Variants in IGF1R observed in about 807,000 individuals in gnomAD.
IGF1R encodes insulin-like growth factor 1 receptor.
Under a neutral mutation model 144.6 loss-of-function variants are expected in IGF1R, and 44 were observed. The observed-to-expected ratio is 0.30, with a 90% confidence interval of 0.24 to 0.39. The LOEUF (loss-of-function observed/expected upper bound fraction) is 0.39. Among genes scored for constraint, IGF1R ranks in the 10% least tolerant of loss-of-function variants. The pLI is 1.00. For missense variants in IGF1R, 1,355 were observed against 1,833.7 expected, an observed-to-expected ratio of 0.74 and a Z score of 4.77; for synonymous variants, 795 against 722.8, an observed-to-expected ratio of 1.10 and a Z score of -1.60.
At chr15:98,717,957 A>G (rs2054159593) in intron 2 of IGF1R, among the ~76,000 whole-genome samples, 1 of 152,118 alleles carries the variant, frequency 6.6e-6, no homozygotes, top group Non-Finnish European at 1.5e-5. Flanking sequence ...ATGTGTGCAC[A>G]CGTGCACGTG....
chr15:98,747,439 G>A (rs1017676626), intron 2 of IGF1R, among the ~76,000 whole-genome samples: 1 of 152,052 alleles, frequency 6.6e-6, no homozygotes, highest in African/African-American at 2.4e-5. Context: ...CTGGTGATCC[G>A]CCCGCCTCGG....
intron 5 of IGF1R, among the ~76,000 whole-genome samples, chr15:98,902,579 G>A (rs2014537689): frequency 7.9e-6 from 1 of 126,986 alleles, no homozygotes; most frequent in Non-Finnish European, 1.7e-5. Context: ...CACCACGCCC[G>A]GCTTATTTTT....
chr15:98,959,704 A>G lies in IGF1R; in HGVS notation c.*2262A>G. On this transcript the variant is annotated 3_prime_UTR_variant, in exon 21 of 21. Coordinates refer to ENST00000650285, the MANE Select transcript of IGF1R (RefSeq NM_000875.5). ...CACAAGAGTTGCTTCTGGGATAGAA[A>G]TGTTTAGGAGTAAGAACAAAGCTGG... The G allele has an allele frequency of 4.3e-6, 1 of 233,664 alleles. No individual in the cohort carries two copies. Among genetic ancestry groups the G allele is most frequent in the Non-Finnish European group, 8.5e-6 (1 of 118,026 alleles). 14.5% of individuals were successfully genotyped at this position (233,664 alleles called of 1,614,324 possible).
intron 11 of IGF1R, 98 bp from the exon 12 acceptor site, chr15:98,923,778 G>A: frequency 1.0e-6 from 1 of 964,380 alleles, no homozygotes; most frequent in Non-Finnish European, 1.7e-6. Context: ...CCACTGTCCT[G>A]CCCGTGTGGA....
chr15:98,904,304 G>A (rs1050473832), intron 5 of IGF1R, among the ~76,000 whole-genome samples: 4 of 152,000 alleles, frequency 2.6e-5, no homozygotes, highest in Admixed American at 6.6e-5. Context: ...TGCCTGCCTC[G>A]GCCTCTGAAA....
At chr15:98,698,328 C>G (rs947369072) in intron 1 of IGF1R, among the ~76,000 whole-genome samples, 1 of 152,220 alleles carries the variant, frequency 6.6e-6, no homozygotes, top group Admixed American at 6.5e-5. Context: ...TGAGCCACCA[C>G]GCCCACCGGC....
chr15:98,879,218 T>G (rs1363703753), intron 2 of IGF1R, among the ~76,000 whole-genome samples: 2 of 152,200 alleles, frequency 1.3e-5, no homozygotes, highest in African/African-American at 4.8e-5. Flanking sequence ...GAATATGAGT[T>G]TAAAAGAAAG....
At chr15:98,775,273 C>T (rs1489179799) in intron 2 of IGF1R, among the ~76,000 whole-genome samples, 1 of 152,178 alleles carries the variant, frequency 6.6e-6, no homozygotes, top group East Asian at 1.9e-4. Flanking sequence ...TGCCCCATCT[C>T]TGTTTTAACA....
chr15:98,888,438 A>AGAGAGAGTGTGTGTGTGT (rs1555457179), intron 2 of IGF1R, among the ~76,000 whole-genome samples: 36 of 143,454 alleles, frequency 2.5e-4, no homozygotes, highest in Admixed American at 1.8e-3. Context: ...AGAGAGAGAG[A>AGAGAGAGTGTGTGTGTGT]GTGTGTGTGT....
chr15:98,833,107 C>T lies in IGF1R; in HGVS notation c.641-58218C>T, dbSNP rs547433834. Among the ~76,000 whole-genome samples the T allele has an allele frequency of 3.9e-5, 6 of 152,248 alleles. No homozygotes were observed. The South Asian group carries it at 1.2e-3, about 32-fold the overall frequency. ...GAAGTCATTTTGGGTTGAGGTATCC[C>T]CTGGTACCCTCTCCTGAACTTCAAT... On this transcript the variant is annotated intron_variant, in intron 2 of 20. Transcript: ENST00000650285.
At chr15:98,884,360 G>A (rs903996222) in intron 2 of IGF1R, among the ~76,000 whole-genome samples, 9 of 152,198 alleles carry the variant, frequency 5.9e-5, no homozygotes, top group Non-Finnish European at 8.8e-5. Context: ...AAAACAACAC[G>A]TCCCAGACTG....
chr15:98,889,515 T>C (rs1015292798), intron 2 of IGF1R, among the ~76,000 whole-genome samples: 1 of 152,250 alleles, frequency 6.6e-6, no homozygotes, highest in African/African-American at 2.4e-5. Flanking sequence ...TATCTTATAA[T>C]TGGGGACAGG....
At chr15:98,956,021 C>T (rs188023519) in intron 20 of IGF1R, among the ~76,000 whole-genome samples, 1 of 152,344 alleles carries the variant, frequency 6.6e-6, no homozygotes, top group East Asian at 1.9e-4. Context: ...CTATGGCCAG[C>T]CCTGGATGGT....
At chr15:98,687,161 C>T (rs1596186555) in intron 1 of IGF1R, among the ~76,000 whole-genome samples, 1 of 152,286 alleles carries the variant, frequency 6.6e-6, no homozygotes, top group Middle Eastern at 3.4e-3. Context: ...GTGTCTCAGA[C>T]CTGTGCTGGT....
At chr15:98,709,571 AT>A (rs1203616621) in intron 2 of IGF1R, among the ~76,000 whole-genome samples, 7 of 152,302 alleles carry the variant, frequency 4.6e-5, no homozygotes, top group Middle Eastern at 3.4e-3. Context: ...AACAAAATAT[AT>A]TTTTTAAATA....
rs113361946 is a variant in IGF1R at position 98,830,051 on chromosome 15, C to T, written c.641-61274C>T. Among the ~76,000 whole-genome samples, 125 of 152,226 alleles carry T rather than the reference C, an allele frequency of 8.2e-4. 2 individuals are homozygous for T. Among genetic ancestry groups the T allele is most frequent in the Non-Finnish European group, 2.4e-4 (16 of 68,044 alleles). On this transcript the variant is annotated intron_variant, in intron 2 of 20. Transcript: ENST00000650285. Reference sequence around the variant, plus strand: ...GACAACAGGGATGGAGCAGCCTATCCACTGAAGTCTTGTTGTTTGTCCCTG... The same window carrying T: ...GACAACAGGGATGGAGCAGCCTATCTACTGAAGTCTTGTTGTTTGTCCCTG...
At chr15:98,733,541 GATCTCAGGGGAATTCC>G (rs1477321368) in intron 2 of IGF1R, among the ~76,000 whole-genome samples, 1 of 151,886 alleles carries the variant, frequency 6.6e-6, no homozygotes, top group African/African-American at 2.4e-5. Context: ...GAGGCCAGAG[GATCTCAGGGGAATTCC>G]CTCTCCGAGG....
At chr15:98,932,731 CCTCTTCTTCAG>C (rs2015993387) in intron 15 of IGF1R, among the ~76,000 whole-genome samples, 1 of 152,104 alleles carries the variant, frequency 6.6e-6, no homozygotes, top group African/African-American at 2.4e-5. Flanking sequence ...CAAGCACCCG[CCTCTTCTTCAG>C]GGGTGCAAGC....
chr15:98,796,095 T>G (rs1212989577), intron 2 of IGF1R, among the ~76,000 whole-genome samples: 1 of 152,094 alleles, frequency 6.6e-6, no homozygotes, highest in Non-Finnish European at 1.5e-5. Flanking sequence ...CCAGCACATA[T>G]GAACGTGAAA....
Sources: gnomAD v4.1 joint callset for allele counts (sites outside exome capture counted in the v4.1 genomes callset) on GRCh38, gnomAD v4.1.1 for gene constraint, MANE v1.5 for transcripts, NCBI Gene and HGNC (gene_info 2026-07-23, HGNC 2026-07-21) for gene names.